The following AFF4 variants were observed in gnomAD, a reference collection of about 807,000 sequenced individuals.
AFF4 encodes the protein AF4/FMR2 family member 4.
In AFF4, 13 loss-of-function variants were observed where a neutral mutation model predicts 124.8. That is an observed-to-expected ratio of 0.10 (90% CI 0.07 to 0.17). AFF4 has a LOEUF of 0.17. AFF4 is among the 10% of genes least tolerant of loss of function. The probability of loss-of-function intolerance (pLI) is 1.00; values close to 1 mark genes in which losing one functional copy is unlikely to be tolerated. For synonymous variants in AFF4, 477 were observed against 496.1 expected, an observed-to-expected ratio of 0.96 and a Z score of 0.51; for missense variants, 1,092 against 1,403.8, an observed-to-expected ratio of 0.78 and a Z score of 3.55.
chr5:132,907,360 T>G (rs553262291), intron 5 of AFF4, among the ~76,000 whole-genome samples: 3 of 152,294 alleles, frequency 2.0e-5, no homozygotes, highest in African/African-American at 7.2e-5. Context: ...TTCCTAAGGA[T>G]GAAACCCAAA....
intron 5 of AFF4, among the ~76,000 whole-genome samples, chr5:132,907,797 G>A (rs1760703769): frequency 6.6e-6 from 1 of 152,086 alleles, no homozygotes; most frequent in Admixed American, 6.5e-5. Context: ...AAAGGGAAGA[G>A]CATGGCTTGT....
chr5:132,917,663 CAT>C (rs1760941626), intron 5 of AFF4, among the ~76,000 whole-genome samples: 1 of 148,004 alleles, frequency 6.8e-6, no homozygotes, highest in Non-Finnish European at 1.5e-5. Flanking sequence ...CAAGATGAAA[CAT>C]AAAATTATAC....
At chr5:132,922,815 C>A (rs1008748642) in intron 5 of AFF4, among the ~76,000 whole-genome samples, 14 of 150,992 alleles carry the variant, frequency 9.3e-5, no homozygotes, top group Admixed American at 6.0e-4. Context: ...TAGAAGCAAC[C>A]CAAATGTCCA....
chr5:132,896,215 T>C (rs762215485), intron 11 of AFF4, 108 bp downstream of exon 11: 6 of 1,355,656 alleles, frequency 4.4e-6, no homozygotes, highest in Non-Finnish European at 6.0e-6. Context: ...TACCCACTAT[T>C]TTCCTTCACA....
intron 1 of AFF4, among the ~76,000 whole-genome samples, 198 bp downstream of exon 1, chr5:132,963,061 T>C (rs79986543): frequency 1.3e-5 from 2 of 152,176 alleles, no homozygotes; most frequent in African/African-American, 4.8e-5. Context: ...TAGCTTTTTT[T>C]ATTTTCTTAT....
chr5:132,929,369 A>G (rs1258968054), intron 4 of AFF4, among the ~76,000 whole-genome samples: 1 of 152,198 alleles, frequency 6.6e-6, no homozygotes, highest in East Asian at 1.9e-4. Flanking sequence ...ATGGATGTCA[A>G]TAACATTAAA....
intron 6 of AFF4, 103 bp from the exon 7 acceptor site, chr5:132,902,590 A>G (rs1198534459): frequency 3.2e-6 from 3 of 924,466 alleles, no homozygotes; most frequent in East Asian, 4.9e-5. Context: ...ACAATGAAAT[A>G]TAATTCTTCA....
At chr5:132,962,277 CAGTCTATTCACAG>C (rs1367466346) in intron 1 of AFF4, among the ~76,000 whole-genome samples, 1 of 152,184 alleles carries the variant, frequency 6.6e-6, no homozygotes, top group Non-Finnish European at 1.5e-5. Flanking sequence ...GTTACATTTA[CAGTCTATTCACAG>C]ACACCTATAG....
chr5:132,955,152 T>C (rs1274675030), intron 1 of AFF4, among the ~76,000 whole-genome samples: 2 of 152,200 alleles, frequency 1.3e-5, no homozygotes, highest in African/African-American at 2.4e-5. Context: ...GTCCAGCTGC[T>C]GCTTCTCCTC....
intron 5 of AFF4, among the ~76,000 whole-genome samples, chr5:132,906,851 A>C (rs1760681646): frequency 1.3e-5 from 2 of 152,246 alleles, no homozygotes; most frequent in South Asian, 4.1e-4. Context: ...GGTAATCCCA[A>C]TACTTTGGGA....
At chr5:132,886,493 G>C (rs1321334495) in intron 17 of AFF4, 90 bp from the exon 18 acceptor site, 3 of 1,172,438 alleles carry the variant, frequency 2.6e-6, no homozygotes, top group East Asian at 4.7e-5. Flanking sequence ...CAGGAGACTG[G>C]CTCATGTGAC....
chr5:132,933,926 G>C (rs1581317534), intron 3 of AFF4, among the ~76,000 whole-genome samples: 1 of 152,176 alleles, frequency 6.6e-6, no homozygotes, highest in Non-Finnish European at 1.5e-5. Context: ...TTTGAAAACT[G>C]TGAATGACAT....
rs1759914104 is a variant in AFF4 at position 132,879,314 on chromosome 5, TC to T, written c.*1744del. The stretch of plus-strand genomic sequence containing the variant: ...ACTTGAAACTTTTCTATCCCTTCTT[TC>T]CCCTTTCCTATTTCAAGCCTTAGCA... On this transcript the variant is annotated 3_prime_UTR_variant, in exon 21 of 21. Transcript: ENST00000265343. The T allele has an allele frequency of 4.6e-6, 1 of 215,304 alleles. No homozygotes were observed. Among genetic ancestry groups the T allele is most frequent in the Non-Finnish European group, 9.4e-6 (1 of 106,632 alleles). 13.3% of individuals were successfully genotyped at this position (215,304 alleles called of 1,614,324 possible).
chr5:132,959,922 A>C (rs1762045787), intron 1 of AFF4, among the ~76,000 whole-genome samples: 1 of 150,724 alleles, frequency 6.6e-6, no homozygotes, highest in African/African-American at 2.4e-5. Flanking sequence ...CTGCCACCAC[A>C]CCCAGCTAAT....
chr5:132,916,124 G>A (rs1241271052), intron 5 of AFF4, among the ~76,000 whole-genome samples: 2 of 150,134 alleles, frequency 1.3e-5, no homozygotes, highest in Non-Finnish European at 3.0e-5. Flanking sequence ...TGTAATCCCA[G>A]CTACTCAGGA....
rs1039284926 is a variant in AFF4, at chr5:132,895,958, G to A, written c.2307+365C>T. ...GGTGTACATCAGAAGAGAATGGTAG[G>A]GATTATAACAATACGGGGAGTACAT... On this transcript the variant is annotated intron_variant, in intron 11 of 20. Coordinates refer to ENST00000265343, the MANE Select transcript of AFF4 (RefSeq NM_014423.4). Among the ~76,000 whole-genome samples, 7 of 152,254 alleles carry A rather than the reference G, an allele frequency of 4.6e-5. 1 individual carries two copies. The highest frequency in any genetic ancestry group is 4.2e-4 in the South Asian group (2 of 4,814).
At chr5:132,905,647 T>C (rs953383647) in intron 5 of AFF4, among the ~76,000 whole-genome samples, 13 of 151,702 alleles carry the variant, frequency 8.6e-5, no homozygotes, top group African/African-American at 2.9e-4. Context: ...TCACATCATA[T>C]TAAAAACAAA....
chr5:132,931,121 A>G (rs1761290246), intron 4 of AFF4, among the ~76,000 whole-genome samples: 2 of 150,848 alleles, frequency 1.3e-5, no homozygotes, highest in Admixed American at 1.3e-4. Context: ...AAAAAAAAAA[A>G]AATGTGTAAA....
chr5:132,876,999 GA>G lies in AFF4; in HGVS notation c.*4059del, dbSNP rs1265103839. ...CCTTAGATGTACAGTATTATTACTGGAAAAAAAGCCTGCCTCTTCAATACAT... is the reference window on the plus strand; with the variant it reads ...CCTTAGATGTACAGTATTATTACTGGAAAAAAGCCTGCCTCTTCAATACAT... On this transcript the variant is annotated 3_prime_UTR_variant, in exon 21 of 21. Transcript: ENST00000265343. 4.0e-5 allele frequency: 8 copies of G among 197,874 alleles called. No individual in the cohort carries two copies. The highest frequency in any genetic ancestry group is 1.7e-3 in the Middle Eastern group (1 of 598). 12.3% of individuals were successfully genotyped at this position (197,874 alleles called of 1,614,324 possible).
Sources: gnomAD v4.1 joint callset for allele counts (sites outside exome capture counted in the v4.1 genomes callset) on GRCh38, gnomAD v4.1.1 for gene constraint, MANE v1.5 for transcripts, NCBI Gene and HGNC (gene_info 2026-07-23, HGNC 2026-07-21) for gene names.